CDH18: variants seen among roughly 807,000 people sequenced by gnomAD.
The protein encoded by CDH18 is cadherin-18.
Under a neutral mutation model 67.9 loss-of-function variants are expected in CDH18, and 31 were observed. The ratio of observed to expected loss-of-function variants is 0.46; its 90% CI spans 0.34 to 0.62. The LOEUF is 0.62. Among genes scored for constraint, CDH18 ranks in the 20% least tolerant of loss-of-function variants. CDH18 has a pLI of 0.01. For missense variants in CDH18, 890 were observed against 975.5 expected, an observed-to-expected ratio of 0.91 and a Z score of 1.17; for synonymous variants, 362 against 347.2, an observed-to-expected ratio of 1.04 and a Z score of -0.48.
At chr5:20,093,112 C>G (rs796217566) in intron 2 of CDH18, among the ~76,000 whole-genome samples, 1 of 151,956 alleles carries the variant, frequency 6.6e-6, no homozygotes. Flanking sequence ...TGGCACACAC[C>G]TGCATTCCCA....
chr5:20,538,892 C>G (rs763855335), intron 1 of CDH18, among the ~76,000 whole-genome samples: 14 of 137,266 alleles, frequency 1.0e-4, no homozygotes, highest in Non-Finnish European at 1.7e-4. Context: ...ATCCACATAG[C>G]CAACTGTTTT....
chr5:20,005,415 TAC>T (rs3065076), intron 2 of CDH18, among the ~76,000 whole-genome samples: 14,596 of 147,078 alleles, frequency 0.099, 1,623 homozygotes, highest in African/African-American at 0.28. Context: ...TATATATATG[TAC>T]ACACACACAC....
intron 11 of CDH18, among the ~76,000 whole-genome samples, chr5:19,495,289 G>A (rs1486851): frequency 0.32 from 48,537 of 151,936 alleles, 7,911 homozygotes; most frequent in South Asian, 0.38. Context: ...ATCATTGAAC[G>A]GCATCCTTTC....
intron 3 of CDH18, among the ~76,000 whole-genome samples, chr5:19,815,573 AT>A (rs769451742): frequency 2.3e-4 from 34 of 149,480 alleles, no homozygotes; most frequent in Non-Finnish European, 3.7e-4. Flanking sequence ...TTAAAAAAAA[AT>A]TGAAGGTTGT....
At chr5:19,913,891 G>A (rs1421120759) in intron 2 of CDH18, among the ~76,000 whole-genome samples, 1 of 152,100 alleles carries the variant, frequency 6.6e-6, no homozygotes, top group Non-Finnish European at 1.5e-5. Flanking sequence ...GTATCACAGG[G>A]ATGAGAAATA....
chr5:19,968,468 T>G (rs371110576), intron 2 of CDH18, among the ~76,000 whole-genome samples: 1 of 151,698 alleles, frequency 6.6e-6, no homozygotes, highest in Non-Finnish European at 1.5e-5. Flanking sequence ...GTAACCAAAA[T>G]AGCATGGTAC....
At chr5:20,254,557 G>A (rs1436084865) in intron 2 of CDH18, among the ~76,000 whole-genome samples, 1 of 152,170 alleles carries the variant, frequency 6.6e-6, no homozygotes, top group Admixed American at 6.5e-5. Context: ...CTTACAAGAG[G>A]TCCTTAAGGG....
Position 19,717,930 on chromosome 5 carries a change from G to A in CDH18, c.643+3417C>T, listed in dbSNP as rs144748240. ...ATTTTTTAGTGCACATTTGTCCTTT[G>A]TTGGTACACACTGAACACAAATCAT... On this transcript the variant is annotated intron_variant, in intron 5 of 12. Transcript: ENST00000382275. 5.0e-3 allele frequency among the ~76,000 whole-genome samples: 764 copies of A among 151,910 alleles called. 3 individuals carry two copies. The highest frequency in any genetic ancestry group is 0.018 in the African/African-American group (735 of 41,470).
At position 20,241,232 on chromosome 5, in the gene CDH18, A is replaced by C. The variant is rs116063923; in HGVS notation, c.-518+14212T>G. Among the ~76,000 whole-genome samples, 156 of 152,290 alleles carry C rather than the reference A, an allele frequency of 1.0e-3. 1 individual carries two copies. The highest frequency in any genetic ancestry group is 3.6e-3 in the African/African-American group (150 of 41,570). On this transcript the variant is annotated intron_variant, in intron 2 of 14. Coordinates refer to the CDH18 transcript ENST00000507958. ...AAACAACTTTTTTTATAAATAGGTGAGACTAGGCATAATTTTCTTAACTTT... is the reference window on the plus strand; with the variant it reads ...AAACAACTTTTTTTATAAATAGGTGCGACTAGGCATAATTTTCTTAACTTT...
At chr5:19,845,149 A>T (rs1472274042) in intron 2 of CDH18, among the ~76,000 whole-genome samples, 1 of 151,268 alleles carries the variant, frequency 6.6e-6, no homozygotes, top group Non-Finnish European at 1.5e-5. Context: ...GTTTCTTTGT[A>T]TCCAGTTCAT....
intron 8 of CDH18, among the ~76,000 whole-genome samples, chr5:19,567,783 C>A (rs187985015): frequency 5.8e-4 from 88 of 152,238 alleles, no homozygotes; most frequent in African/African-American, 2.1e-3. Flanking sequence ...TAATAGATTT[C>A]TGCTTCCCTT....
In CDH18 at chr5:19,585,898, T is replaced by C. The variant is rs530314774; in HGVS notation, c.999+5159A>G. Among the ~76,000 whole-genome samples, 8 of 152,298 alleles carry C rather than the reference T, an allele frequency of 5.3e-5. No individual in the cohort carries two copies. In the East Asian group the frequency reaches 1.5e-3, roughly 29 times the overall value. On this transcript the variant is annotated intron_variant, in intron 7 of 12. Transcript: ENST00000382275. ...ATCACATATCTTCCATCTGAATATA[T>C]AACATGAGTAAGTGTTCAGACTCTG... is the stretch of plus-strand genomic sequence containing the variant.
At chr5:20,484,361 CA>C (rs1264917077) in intron 1 of CDH18, among the ~76,000 whole-genome samples, 2 of 151,970 alleles carry the variant, frequency 1.3e-5, no homozygotes, top group Admixed American at 6.6e-5. Context: ...CTATGGAGAA[CA>C]TTTTAGAGGC....
At chr5:19,539,186 A>T (rs1170575859) in intron 9 of CDH18, among the ~76,000 whole-genome samples, 3 of 152,170 alleles carry the variant, frequency 2.0e-5, no homozygotes, top group Non-Finnish European at 2.9e-5. Flanking sequence ...GAATTAAATT[A>T]TATTTTAGTA....
At chr5:19,897,025 GCA>G (rs1789416816) in intron 2 of CDH18, among the ~76,000 whole-genome samples, 1 of 152,004 alleles carries the variant, frequency 6.6e-6, no homozygotes, top group Non-Finnish European at 1.5e-5. Flanking sequence ...TTTAGTGTTT[GCA>G]AAGATATCTT....
chr5:19,872,167 C>A (rs755694446), intron 2 of CDH18, among the ~76,000 whole-genome samples: 17 of 152,062 alleles, frequency 1.1e-4, no homozygotes, highest in Non-Finnish European at 2.5e-4. Flanking sequence ...TGGTAAACAG[C>A]CTGCTGCTAA....
At chr5:19,883,261 G>A (rs758052532) in intron 2 of CDH18, among the ~76,000 whole-genome samples, 130 of 152,238 alleles carry the variant, frequency 8.5e-4, no homozygotes, top group Middle Eastern at 3.4e-3. Flanking sequence ...CACTGGTCTT[G>A]AGAAATGATA....
chr5:20,264,080 T>C (rs1021487134), intron 1 of CDH18, among the ~76,000 whole-genome samples: 3 of 152,074 alleles, frequency 2.0e-5, no homozygotes, highest in South Asian at 4.1e-4. Flanking sequence ...TCAAATGCAA[T>C]CAATTCAAAT....
chr5:20,285,297 G>T (rs1318671153), intron 1 of CDH18, among the ~76,000 whole-genome samples: 1 of 150,472 alleles, frequency 6.6e-6, no homozygotes, highest in African/African-American at 2.4e-5. Flanking sequence ...ACACTCAATG[G>T]TCATGAATAC....
Sources: allele counts gnomAD v4.1 joint callset (sites outside exome capture counted in the v4.1 genomes callset), GRCh38; gene constraint gnomAD v4.1.1; transcripts MANE v1.5; gene names NCBI Gene and HGNC (gene_info 2026-07-23, HGNC 2026-07-21).